Variants in ZBTB20 observed in about 807,000 individuals in gnomAD.
ZBTB20 encodes the protein zinc finger and BTB domain containing 20, also known as zinc finger and BTB domain-containing protein 20.
In ZBTB20, 9 loss-of-function variants were observed where a neutral mutation model predicts 56.9. The observed-to-expected ratio is 0.16, with a 90% confidence interval of 0.10 to 0.28. The LOEUF (loss-of-function observed/expected upper bound fraction) is 0.28. Among genes scored for constraint, ZBTB20 ranks in the 10% least tolerant of loss-of-function variants. The pLI, the probability that ZBTB20 is intolerant of heterozygous loss-of-function variation, is 1.00. For synonymous variants in ZBTB20, 417 were observed against 420.7 expected (o/e 0.99, Z 0.11); for missense variants, 655 against 1,003.0 (o/e 0.65, Z 4.69).
At chr3:114,809,687 ATT>A (rs2072372200) in intron 4 of ZBTB20, among the ~76,000 whole-genome samples, 4 of 151,902 alleles carry the variant, frequency 2.6e-5, no homozygotes, top group Admixed American at 2.6e-4. Flanking sequence ...CCCAAATATA[ATT>A]TCTTTTTTTT....
intron 5 of ZBTB20, among the ~76,000 whole-genome samples, chr3:114,726,737 C>T (rs745739876): frequency 3.0e-5 from 4 of 133,454 alleles, no homozygotes; most frequent in African/African-American, 1.1e-4. Flanking sequence ...ATGGTGAAAC[C>T]CCGTCTCTAC....
At chr3:114,791,484 CAAG>C (rs1401474565) in intron 5 of ZBTB20, among the ~76,000 whole-genome samples, 4 of 152,116 alleles carry the variant, frequency 2.6e-5, no homozygotes, top group Non-Finnish European at 5.9e-5. Context: ...TCCAGTGCTA[CAAG>C]AAGATGAGCA....
intron 7 of ZBTB20, among the ~76,000 whole-genome samples, chr3:114,392,012 C>G (rs994341730): frequency 6.6e-6 from 1 of 152,114 alleles, no homozygotes; most frequent in Non-Finnish European, 1.5e-5. Context: ...TTATTTGCTT[C>G]AACAAACCGA....
Position 114,347,589 on chromosome 3 carries a change from A to C in ZBTB20, c.1804+2685T>G, listed in dbSNP as rs145087643. Reference sequence around the variant, plus strand: ...AGAACTTTGTTTGGAAATGCGAGCTACAATGAACCCAGGTCTTGAATTATT... The same window carrying C: ...AGAACTTTGTTTGGAAATGCGAGCTCCAATGAACCCAGGTCTTGAATTATT... On this transcript the variant is annotated intron_variant, in intron 11 of 11. Transcript: ENST00000675478. 3.7e-3 allele frequency among the ~76,000 whole-genome samples: 561 copies of C among 152,376 alleles called. 1 individual carries two copies. Among genetic ancestry groups the C allele is most frequent in the Middle Eastern group, 6.8e-3 (2 of 294 alleles).
At chr3:114,855,703 C>T (rs1366586298) in intron 4 of ZBTB20, among the ~76,000 whole-genome samples, 1 of 152,138 alleles carries the variant, frequency 6.6e-6, no homozygotes, top group Admixed American at 6.6e-5. Context: ...GAGGCTTCCT[C>T]CAGAACCCTG....
At chr3:114,649,865 A>G (rs2060039100) in intron 6 of ZBTB20, among the ~76,000 whole-genome samples, 1 of 151,988 alleles carries the variant, frequency 6.6e-6, no homozygotes, top group South Asian at 2.1e-4. Flanking sequence ...AGCAGTCATA[A>G]GAACAACAGC....
intron 4 of ZBTB20, among the ~76,000 whole-genome samples, chr3:114,844,335 ATATATATATATATATATAT>A: frequency 1.1e-4 from 1 of 9,000 alleles, no homozygotes. Flanking sequence ...GAGTAAATAT[ATATATATATATATATATAT>A]ATATATATAT....
chr3:115,028,488 T>C (rs538787172), intron 2 of ZBTB20, among the ~76,000 whole-genome samples: 3 of 150,870 alleles, frequency 2.0e-5, no homozygotes, highest in Middle Eastern at 6.8e-3. Context: ...AAAATTAACT[T>C]CATCTGTTTC....
chr3:115,109,328 T>A (rs1157600481), intron 1 of ZBTB20, among the ~76,000 whole-genome samples: 2 of 152,184 alleles, frequency 1.3e-5, no homozygotes, highest in African/African-American at 2.4e-5. Context: ...TTGCCATAGA[T>A]GTTTGTCAAG....
chr3:114,643,350 T>C (rs2059656951), intron 6 of ZBTB20, among the ~76,000 whole-genome samples: 1 of 152,098 alleles, frequency 6.6e-6, no homozygotes, highest in Non-Finnish European at 1.5e-5. Flanking sequence ...CCATTGTTAA[T>C]GAAATGAGTT....
At chr3:114,569,965 G>A (rs1368045472) in intron 6 of ZBTB20, among the ~76,000 whole-genome samples, 1 of 150,822 alleles carries the variant, frequency 6.6e-6, no homozygotes, top group East Asian at 1.9e-4. Context: ...ACTTATCTGA[G>A]CCAGTCTGAA....
chr3:114,812,767 C>G (rs1432570643), intron 4 of ZBTB20, among the ~76,000 whole-genome samples: 1 of 152,116 alleles, frequency 6.6e-6, no homozygotes, highest in East Asian at 1.9e-4. Flanking sequence ...CTAGGGGAGG[C>G]TCGGGCCGCA....
intron 7 of ZBTB20, among the ~76,000 whole-genome samples, chr3:114,399,664 A>G (rs1282272193): frequency 6.6e-6 from 1 of 151,868 alleles, no homozygotes; most frequent in Non-Finnish European, 1.5e-5. Context: ...TGGCCTGCCT[A>G]TTGGGTGTGT....
At chr3:114,672,847 G>C (rs1297395772) in intron 6 of ZBTB20, among the ~76,000 whole-genome samples, 5 of 152,070 alleles carry the variant, frequency 3.3e-5, no homozygotes, top group Admixed American at 6.6e-5. Flanking sequence ...TCCTTAATCA[G>C]CTCAAGTTTC....
At chr3:114,788,968 A>G (rs1270890572) in intron 5 of ZBTB20, among the ~76,000 whole-genome samples, 25 of 152,120 alleles carry the variant, frequency 1.6e-4, no homozygotes, top group Admixed American at 1.6e-3. Context: ...AGAACAGCAC[A>G]GGAAAAACCG....
At chr3:114,534,392 A>C (rs1374475386) in intron 6 of ZBTB20, among the ~76,000 whole-genome samples, 1 of 152,250 alleles carries the variant, frequency 6.6e-6, no homozygotes, top group Non-Finnish European at 1.5e-5. Flanking sequence ...AAGACAATGA[A>C]GGGCATTACG....
intron 10 of ZBTB20, among the ~76,000 whole-genome samples, chr3:114,352,523 G>T (rs115031833): frequency 3.3e-5 from 5 of 152,146 alleles, no homozygotes; most frequent in African/African-American, 1.2e-4. Flanking sequence ...CATGCTTTCC[G>T]GATGATGGAT....
chr3:114,534,401 C>T (rs964310960), intron 6 of ZBTB20, among the ~76,000 whole-genome samples: 6 of 152,108 alleles, frequency 3.9e-5, no homozygotes, highest in South Asian at 2.1e-4. Context: ...AAGGGCATTA[C>T]GTAATGGTAA....
intron 1 of ZBTB20, among the ~76,000 whole-genome samples, chr3:115,110,291 A>G (rs1278705365): frequency 1.3e-5 from 2 of 152,214 alleles, no homozygotes; most frequent in East Asian, 1.9e-4. Flanking sequence ...CGGAGTCAGC[A>G]TGATAGCAGC....
Sources: allele counts gnomAD v4.1 joint callset (sites outside exome capture counted in the v4.1 genomes callset), GRCh38; gene constraint gnomAD v4.1.1; transcripts MANE v1.5; gene names NCBI Gene and HGNC (gene_info 2026-07-23, HGNC 2026-07-21).